PBRM1: variants seen among roughly 807,000 people sequenced by gnomAD.
PBRM1 encodes protein polybromo-1.
PBRM1 carries 27 observed loss-of-function variants against 194.5 expected under a neutral mutation model. That is an observed-to-expected ratio of 0.14 (90% CI 0.10 to 0.19). PBRM1 has a LOEUF of 0.19. Ranked by LOEUF, PBRM1 falls within the 10% of genes least tolerant of loss-of-function variation. The pLI is 1.00. For synonymous variants in PBRM1, 655 were observed against 693.2 expected, an observed-to-expected ratio of 0.94 and a Z score of 0.87; for missense variants, 1,466 against 2,077.2, an observed-to-expected ratio of 0.71 and a Z score of 5.72.
At chr3:52,568,852 C>A (rs549822258) in intron 22 of PBRM1, among the ~76,000 whole-genome samples, 1 of 152,058 alleles carries the variant, frequency 6.6e-6, no homozygotes, top group Non-Finnish European at 1.5e-5. Flanking sequence ...AAGGATAGAT[C>A]CCCTTTCACT....
chr3:52,597,863 C>A (rs1053719037), intron 17 of PBRM1, among the ~76,000 whole-genome samples: 4 of 152,056 alleles, frequency 2.6e-5, no homozygotes, highest in African/African-American at 9.7e-5. Flanking sequence ...ACCACCACAC[C>A]CGGCTAATTT....
chr3:52,683,156 T>G (rs2097238844), upstream of PBRM1, among the ~76,000 whole-genome samples: 2 of 151,508 alleles, frequency 1.3e-5, no homozygotes, highest in Admixed American at 6.6e-5. Context: ...TGAGCCGAGA[T>G]GGCACCACTG....
chr3:52,587,865 TA>T lies in PBRM1; in HGVS notation c.2966-356del, dbSNP rs1245337192. On this transcript the variant is annotated intron_variant, in intron 18 of 29. Transcript: ENST00000296302. ...AAAAATAATAAAGTGTAATGAGGCC[TA>T]AAAAATGCATGCTACTTTTCCCCCC... Among the ~76,000 whole-genome samples the T allele has an allele frequency of 6.6e-5, 10 of 152,148 alleles. No homozygotes were observed. In the East Asian group the frequency reaches 1.9e-3, roughly 29 times the overall value.
intron 11 of PBRM1, among the ~76,000 whole-genome samples, chr3:52,632,297 TA>T (rs1259387201): frequency 6.6e-6 from 1 of 152,166 alleles, no homozygotes; most frequent in African/African-American, 2.4e-5. Flanking sequence ...GAAGAGATTT[TA>T]AAAGGCCGGG....
chr3:52,626,639 T>A (rs1358186139), intron 13 of PBRM1, among the ~76,000 whole-genome samples: 7 of 152,068 alleles, frequency 4.6e-5, no homozygotes. Flanking sequence ...AAATTCCTTA[T>A]AGGATCCCAG....
At chr3:52,612,077 G>C (rs1185396873) in intron 15 of PBRM1, among the ~76,000 whole-genome samples, 1 of 151,410 alleles carries the variant, frequency 6.6e-6, no homozygotes, top group Non-Finnish European at 1.5e-5. Context: ...GGCCAATATG[G>C]TGAAACCCTG....
chr3:52,580,423 A>G (rs1430804610), intron 20 of PBRM1, among the ~76,000 whole-genome samples: 2 of 152,084 alleles, frequency 1.3e-5, no homozygotes, highest in Admixed American at 6.5e-5. Flanking sequence ...CAGTGGCGCG[A>G]TATTGGCTCA....
At position 52,565,520 on chromosome 3, in the gene PBRM1, A is replaced by G. The variant is rs1024493332; in HGVS notation, c.3692-1287T>C. On this transcript the variant is annotated intron_variant, in intron 22 of 29. Transcript: ENST00000296302. ...GAGACTCAGTCTCAAAAAAAAAAAA[A>G]GGGGCTTTATCAAAATTAAGAACTT... Among the ~76,000 whole-genome samples the G allele has an allele frequency of 4.5e-4, 69 of 151,858 alleles. No individual in the cohort carries two copies. The Middle Eastern group carries it at 0.01, about 22-fold the overall frequency.
At chr3:52,606,163 TG>T (rs1366689231) in intron 16 of PBRM1, among the ~76,000 whole-genome samples, 1 of 152,034 alleles carries the variant, frequency 6.6e-6, no homozygotes, top group Non-Finnish European at 1.5e-5. Context: ...CAAGCTTGGC[TG>T]ATTTTTTAAA....
At chr3:52,677,159 A>T (rs1479000579) in intron 2 of PBRM1, among the ~76,000 whole-genome samples, 1 of 152,228 alleles carries the variant, frequency 6.6e-6, no homozygotes, top group Non-Finnish European at 1.5e-5. Context: ...AATTTCATGG[A>T]TATGACACCA....
exon 29 of PBRM1, chr3:52,550,543 G>T (rs2153375571): frequency 6.4e-7 from 1 of 1,564,626 alleles, no homozygotes. Flanking sequence ...TACAAACATG[G>T]GTGTTGTTGG....
chr3:52,633,620 T>A (rs1305314295), intron 11 of PBRM1, among the ~76,000 whole-genome samples: 1 of 152,160 alleles, frequency 6.6e-6, no homozygotes. Context: ...CCATTTTACA[T>A]TCCCACTATC....
At chr3:52,646,159 A>T (rs751918927) in intron 7 of PBRM1, among the ~76,000 whole-genome samples, 1 of 152,220 alleles carries the variant, frequency 6.6e-6, no homozygotes, top group Non-Finnish European at 1.5e-5. Context: ...TAGGAATACA[A>T]GGACTTCATA....
exon 23 of PBRM1, chr3:52,564,211 G>A (rs934433971): frequency 1.2e-6 from 2 of 1,613,186 alleles, no homozygotes; most frequent in South Asian, 1.1e-5. Context: ...GGAAGTCCTT[G>A]AATGACAACA....
intron 10 of PBRM1, among the ~76,000 whole-genome samples, chr3:52,636,757 CAAAAAAAAAA>C (rs567776784): frequency 2.5e-3 from 47 of 18,682 alleles, no homozygotes; most frequent in Admixed American, 0.023. Flanking sequence ...ACTCTGTCTC[CAAAAAAAAAA>C]AAAAAAAAAA....
chr3:52,683,828 A>C (rs1297986013), upstream of PBRM1, among the ~76,000 whole-genome samples: 3 of 152,058 alleles, frequency 2.0e-5, no homozygotes, highest in African/African-American at 7.2e-5. Flanking sequence ...AAAAAAACAA[A>C]AAAAAAGTGC....
intron 24 of PBRM1, among the ~76,000 whole-genome samples, chr3:52,562,453 C>T (rs1466484261): frequency 6.6e-6 from 1 of 150,998 alleles, no homozygotes; most frequent in Non-Finnish European, 1.5e-5. Flanking sequence ...TTATCTATTA[C>T]AAGTAAAAAA....
At chr3:52,672,016 T>C (rs1214096691) in intron 2 of PBRM1, among the ~76,000 whole-genome samples, 1 of 152,182 alleles carries the variant, frequency 6.6e-6, no homozygotes. Flanking sequence ...ACAAAACCCA[T>C]TTATTATATT....
chr3:52,663,354 C>T (rs1242555237), intron 3 of PBRM1, among the ~76,000 whole-genome samples: 1 of 152,174 alleles, frequency 6.6e-6, no homozygotes, highest in Non-Finnish European at 1.5e-5. Context: ...TTCTGTACTG[C>T]CAGGGAGCAA....
Sources: gnomAD v4.1 joint callset for allele counts (sites outside exome capture counted in the v4.1 genomes callset) on GRCh38, gnomAD v4.1.1 for gene constraint, MANE v1.5 for transcripts, NCBI Gene and HGNC (gene_info 2026-07-23, HGNC 2026-07-21) for gene names.